ADH6: variants seen among roughly 807,000 people sequenced by gnomAD.
ADH6 encodes the protein alcohol dehydrogenase 6 (class V), also known as alcohol dehydrogenase 6.
ADH6 carries 34 observed loss-of-function variants against 36.5 expected under a neutral mutation model. The observed-to-expected ratio is 0.93, with a 90% CI of 0.71 to 1.24. ADH6 has a LOEUF of 1.24. Among genes scored for constraint, ADH6 ranks in the 50% most tolerant of loss-of-function variants. The pLI is 0.00. For synonymous variants in ADH6, 161 were observed against 155.5 expected (o/e 1.04, Z -0.26); for missense variants, 440 against 447.0 (o/e 0.98, Z 0.14).
chr4:99,206,438 T>G (rs28720158), intron 7 of ADH6, among the ~76,000 whole-genome samples: 1 of 152,134 alleles, frequency 6.6e-6, no homozygotes, highest in Non-Finnish European at 1.5e-5. Context: ...AGTATGTGTA[T>G]TTTGAATTAA....
intron 3 of ADH6, among the ~76,000 whole-genome samples, chr4:99,212,946 G>T (rs2187483): frequency 0.64 from 97,260 of 151,384 alleles, 32,656 homozygotes; most frequent in East Asian, 0.88. Context: ...TTTTATATCT[G>T]CTGGGTATTT....
chr4:99,216,632 G>T (rs1731441601), intron 1 of ADH6, among the ~76,000 whole-genome samples: 4 of 151,994 alleles, frequency 2.6e-5, no homozygotes, highest in Non-Finnish European at 1.5e-5. Context: ...GGATCACAAG[G>T]TCGGGAGTTT....
In ADH6 at chr4:99,204,939, C is replaced by T; in HGVS notation, c.1089G>A (p.Met363Ile). ...LDKINEAVEL[M>I]KTGKCIRCIL... is the part of the protein sequence containing the mutation. ...GGGCAGTTTACCATTTTCCAGTTTT[C>T]ATTAATTCAACTGCTTCATTGATTT... The change falls in exon 8 of 9, where the codon ATG becomes ATA. Residue 363 changes from methionine to isoleucine, a missense_variant. Transcript: ENST00000394899. 1 of 1,606,946 alleles carries T rather than the reference C, an allele frequency of 6.2e-7. No homozygotes were observed. Among genetic ancestry groups the T allele is most frequent in the Non-Finnish European group, 8.5e-7 (1 of 1,177,232 alleles).
chr4:99,204,952 G>A lies in ADH6; in HGVS notation c.1076C>T (p.Ala359Val), dbSNP rs374752814. 2 of 1,608,880 alleles carry A rather than the reference G, an allele frequency of 1.2e-6. No homozygotes were observed. The highest frequency in any genetic ancestry group is 1.7e-6 in the Non-Finnish European group (2 of 1,178,052). Residue 359 changes from alanine (A) to valine (V), a missense_variant, in exon 8 of 9, where the codon GCA (alanine) becomes GTA (valine). By Grantham distance (64) the Ala-to-Val change is moderately conservative. Coordinates refer to ENST00000394899, the MANE Select transcript of ADH6 (RefSeq NM_001102470.2). ...TTTTCCAGTTTTCATTAATTCAACT[G>A]CTTCATTGATTTTATCAAGATTCAG... ...HTLNLDKINE[A>V]VELMKTGKCI...
intron 8 of ADH6, 154 bp downstream of exon 8, chr4:99,204,771 A>C: frequency 7.6e-7 from 1 of 1,310,788 alleles, no homozygotes; most frequent in Non-Finnish European, 9.7e-7. Context: ...CAAAATGCAG[A>C]GGGGAAGGAG....
chr4:99,215,185 A>G (rs1368079131), intron 2 of ADH6, among the ~76,000 whole-genome samples: 2 of 152,154 alleles, frequency 1.3e-5, no homozygotes, highest in African/African-American at 4.8e-5. Flanking sequence ...GATGCGAACA[A>G]CCCAATAGCC....
intron 2 of ADH6, among the ~76,000 whole-genome samples, chr4:99,215,541 T>G (rs190083146): frequency 6.6e-6 from 1 of 152,304 alleles, no homozygotes; most frequent in Admixed American, 6.5e-5. Context: ...TCCAAATAGG[T>G]AACCAAGGTT....
At chr4:99,217,193 G>A (rs1416596678) in intron 1 of ADH6, among the ~76,000 whole-genome samples, 8 of 151,890 alleles carry the variant, frequency 5.3e-5, no homozygotes, top group Non-Finnish European at 1.0e-4. Context: ...CCACCACCAC[G>A]CCTGGCTAAT....
rs997162701 is a variant in ADH6 at position 99,210,303 on chromosome 4, T to C, written c.351-5A>G. On this transcript the variant is annotated splice_region_variant and splice_polypyrimidine_tract_variant and intron_variant, in intron 4 of 8. Coordinates refer to ENST00000394899, the MANE Select transcript of ADH6 (RefSeq NM_001102470.2). ...ATCAGTTGGGTTTTTGACTGTCTTT[T>C]ATAGACAAAACAAAAAACAAAACAC... 3.2e-5 allele frequency: 51 copies of C among 1,611,018 alleles called. No homozygotes were observed. Among genetic ancestry groups the C allele is most frequent in the Admixed American group, 8.4e-5 (5 of 59,808 alleles).
rs1731124387 is a variant in ADH6 at position 99,208,766 on chromosome 4, G to A, written c.730C>T (p.Pro244Ser). The change falls in exon 6 of 9, where the codon CCT becomes TCT. Residue 244 changes from proline (P) to serine (S), a missense_variant. Coordinates refer to ENST00000394899, the MANE Select transcript of ADH6 (RefSeq NM_001102470.2). Reference sequence around the variant, plus strand: ...TGAATGGGTTTCTTTAAGTCCTGAGGGTTGAGGCACTCAGTAGCACCCAAT... The same window carrying A: ...TGAATGGGTTTCTTTAAGTCCTGAGAGTTGAGGCACTCAGTAGCACCCAAT... ...QELGATECLN[P>S]QDLKKPIQEV... 1 of 1,613,704 alleles carries A rather than the reference G, an allele frequency of 6.2e-7. No individual in the cohort carries two copies. Among genetic ancestry groups the A allele is most frequent in the African/African-American group, 1.3e-5 (1 of 74,962 alleles).
chr4:99,210,628 G>T (rs1302393588), intron 3 of ADH6, 126 bp from the exon 4 acceptor site: 2 of 706,960 alleles, frequency 2.8e-6, no homozygotes, highest in Non-Finnish European at 4.9e-6. Context: ...TCCACATTCA[G>T]TTGTGCTTGA....
intron 1 of ADH6, among the ~76,000 whole-genome samples, chr4:99,217,133 T>A (rs1273028086): frequency 6.6e-6 from 1 of 152,148 alleles, no homozygotes; most frequent in Non-Finnish European, 1.5e-5. Flanking sequence ...CCTTCCGGGT[T>A]CATGCCATTC....
chr4:99,217,237 T>C (rs372382377), intron 1 of ADH6, among the ~76,000 whole-genome samples: 32 of 152,124 alleles, frequency 2.1e-4, no homozygotes, highest in East Asian at 1.4e-3. Flanking sequence ...GGGGTTTCAC[T>C]GTGTTAGCCA....
Position 99,203,364 on chromosome 4 carries a change from G to A in ADH6, c.*855C>T, listed in dbSNP as rs551521624. Reference sequence around the variant, plus strand: ...GAGGGGCTGGGGCAGAAAGTCAAAGGGTCGGGGTAGAAGGATTGGATGCCA... The same window carrying A: ...GAGGGGCTGGGGCAGAAAGTCAAAGAGTCGGGGTAGAAGGATTGGATGCCA... On this transcript the variant is annotated 3_prime_UTR_variant, in exon 9 of 9. Transcript: ENST00000394899. The A allele has an allele frequency of 2.0e-5, 3 of 152,054 alleles. No homozygotes were observed. Among genetic ancestry groups the A allele is most frequent in the South Asian group, 4.1e-4 (2 of 4,826 alleles). The allele number at this position is 152,054 out of a possible 1,614,324, so 9.4% of individuals were successfully genotyped here.
chr4:99,212,673 T>G (rs1034672695), intron 3 of ADH6, among the ~76,000 whole-genome samples: 4 of 152,024 alleles, frequency 2.6e-5, no homozygotes, highest in Admixed American at 2.0e-4. Context: ...ATTTTTAATA[T>G]GTCTGAGGTT....
rs1195981659 is a variant in ADH6, at chr4:99,210,515, A to G, written c.263-13T>C. On this transcript the variant is annotated splice_polypyrimidine_tract_variant and intron_variant, in intron 3 of 8. Transcript: ENST00000394899. The stretch of plus-strand genomic sequence containing the variant: ...ATAACTTTGTCACCTAAAAGAGCAA[A>G]ATCATGTCTTATTAACATATTATTT... 1 of 1,574,372 alleles carries G rather than the reference A, an allele frequency of 6.4e-7. No individual in the cohort carries two copies.
At chr4:99,204,477 T>C (rs1730949992) in intron 8 of ADH6, 2 of 1,323,724 alleles carry the variant, frequency 1.5e-6, no homozygotes, top group Admixed American at 3.7e-5. Flanking sequence ...TTCTGGGTTA[T>C]GGCTGGTTTC....
rs774409464 is a variant in ADH6, at chr4:99,208,901, A to C, written c.595T>G (p.Phe199Val). ...KVTPGSTCAVFGLGGVGLSVV... is the reference protein window; with the variant it reads ...KVTPGSTCAVVGLGGVGLSVV... The stretch of plus-strand genomic sequence containing the variant: ...GACAAGCCGACTCCTCCCAGGCCAA[A>C]CACAGCACAGGTAGAACCTGGAGTC... Residue 199 changes from phenylalanine to valine, a missense_variant, in exon 6 of 9, where the codon TTT becomes GTT. Phe to Val is a conservative substitution (Grantham distance 50, BLOSUM62 -1). Transcript: ENST00000394899. The C allele has an allele frequency of 3.7e-6, 6 of 1,613,692 alleles. No individual in the cohort carries two copies. In the East Asian group the frequency reaches 1.1e-4, roughly 30 times the overall value.
At position 99,218,599 on chromosome 4, in the gene ADH6, G is replaced by C. The variant is rs28720133; in HGVS notation, c.18+536C>G. ...TATTTCCTGTCACTTTGTGTTTCAG[G>C]CTTTACCTTTCAGCCCCCAAACATA... On this transcript the variant is annotated intron_variant, in intron 1 of 8. Coordinates refer to ENST00000394899, the MANE Select transcript of ADH6 (RefSeq NM_001102470.2). 3.0e-3 allele frequency among the ~76,000 whole-genome samples: 452 copies of C among 152,184 alleles called. 4 individuals are homozygous for C. Among genetic ancestry groups the C allele is most frequent in the African/African-American group, 0.011 (439 of 41,524 alleles).
Sources: allele counts gnomAD v4.1 joint callset (sites outside exome capture counted in the v4.1 genomes callset), GRCh38; gene constraint gnomAD v4.1.1; transcripts MANE v1.5; gene names NCBI Gene and HGNC (gene_info 2026-07-23, HGNC 2026-07-21).